Variants in SAP130 observed in about 807,000 individuals in gnomAD.
SAP130 encodes the protein Sin3A associated protein 130.
Under a neutral mutation model 103.2 loss-of-function variants are expected in SAP130, and 16 were observed. That is an observed-to-expected ratio of 0.16 (90% CI 0.10 to 0.24). SAP130 has a LOEUF of 0.24. Ranked by LOEUF, SAP130 falls within the 10% of genes least tolerant of loss-of-function variation. SAP130 has a pLI of 1.00. For missense variants in SAP130, 990 were observed against 1,359.7 expected, an observed-to-expected ratio of 0.73 and a Z score of 4.28; for synonymous variants, 477 against 497.0, an observed-to-expected ratio of 0.96 and a Z score of 0.53.
At chr2:127,987,465 C>T (rs893360266) in intron 13 of SAP130, among the ~76,000 whole-genome samples, 2 of 152,132 alleles carry the variant, frequency 1.3e-5, no homozygotes, top group Non-Finnish European at 2.9e-5. Flanking sequence ...GGATTACAGG[C>T]GTGAGCCACC....
At chr2:127,977,790 G>A (rs968534385) in intron 15 of SAP130, among the ~76,000 whole-genome samples, 195 bp downstream of exon 15, 2 of 152,012 alleles carry the variant, frequency 1.3e-5, no homozygotes, top group Non-Finnish European at 2.9e-5. Context: ...AGAGGCTGAG[G>A]CTGATCACTT....
chr2:127,952,971 T>C (rs573816186), intron 16 of SAP130, among the ~76,000 whole-genome samples: 1 of 152,346 alleles, frequency 6.6e-6, no homozygotes, highest in African/African-American at 2.4e-5. Flanking sequence ...ACAATTTATA[T>C]ATATAATGAC....
intron 2 of SAP130, among the ~76,000 whole-genome samples, chr2:128,021,220 G>A (rs1036160679): frequency 4.6e-5 from 7 of 151,958 alleles, no homozygotes; most frequent in African/African-American, 1.5e-4. Flanking sequence ...AGGCCAAGGC[G>A]GGCGGATCAC....
At chr2:127,968,879 G>A (rs1410243841) in intron 15 of SAP130, among the ~76,000 whole-genome samples, 2 of 152,114 alleles carry the variant, frequency 1.3e-5, no homozygotes, top group East Asian at 1.9e-4. Context: ...TAGACCAGGC[G>A]TTGACAAACT....
chr2:127,984,126 G>T (rs1682192229), intron 14 of SAP130, among the ~76,000 whole-genome samples: 1 of 151,930 alleles, frequency 6.6e-6, no homozygotes, highest in Admixed American at 6.6e-5. Context: ...TTCCACGTTT[G>T]AGATTTCTTC....
chr2:127,999,602 A>G lies in SAP130; in HGVS notation c.1213+139T>C, dbSNP rs1683405983. Reference sequence around the variant, plus strand: ...TTGGGCAACAGAGTGAGACTTAAGGAAAGAAAAAGAAAAGAAAAAAAAAAA... The same window carrying G: ...TTGGGCAACAGAGTGAGACTTAAGGGAAGAAAAAGAAAAGAAAAAAAAAAA... On this transcript the variant is annotated intron_variant, in intron 10 of 20. Transcript: ENST00000643581. The G allele has an allele frequency of 8.7e-6, 4 of 461,986 alleles. No homozygotes were observed. In the South Asian group the frequency reaches 2.3e-4, roughly 27 times the overall value. 28.6% of individuals were successfully genotyped at this position (461,986 alleles called of 1,614,324 possible).
Position 127,941,903 on chromosome 2 carries a change from T to C in SAP130, c.*103A>G. On this transcript the variant is annotated 3_prime_UTR_variant, in exon 21 of 21. Transcript: ENST00000643581. ...CTTTCACACGGGAACTAAGGAACAC[T>C]TCCTTTATTTCAATGTTCCACTTTG... 1 of 932,384 alleles carries C rather than the reference T, an allele frequency of 1.1e-6. No individual in the cohort carries two copies. Among genetic ancestry groups the C allele is most frequent in the Non-Finnish European group, 1.7e-6 (1 of 604,732 alleles). 57.8% of individuals were successfully genotyped at this position (932,384 alleles called of 1,614,324 possible).
intron 15 of SAP130, among the ~76,000 whole-genome samples, chr2:127,960,030 G>C (rs778719397): frequency 1.3e-5 from 2 of 152,102 alleles, no homozygotes; most frequent in Non-Finnish European, 2.9e-5. Flanking sequence ...AGCTGGGACT[G>C]TACAGGTAAG....
intron 15 of SAP130, among the ~76,000 whole-genome samples, chr2:127,977,425 G>C (rs896561837): frequency 6.6e-5 from 10 of 151,532 alleles, no homozygotes; most frequent in Non-Finnish European, 1.2e-4. Flanking sequence ...GCTTGAACAT[G>C]GGAGGCCGAA....
At chr2:127,997,170 A>C (rs1195064079) in intron 10 of SAP130, among the ~76,000 whole-genome samples, 1 of 152,230 alleles carries the variant, frequency 6.6e-6, no homozygotes, top group East Asian at 1.9e-4. Context: ...CAATGACCAT[A>C]GAGTTTTCAA....
At chr2:127,964,518 A>G (rs1680500029) in intron 15 of SAP130, among the ~76,000 whole-genome samples, 1 of 137,270 alleles carries the variant, frequency 7.3e-6, no homozygotes, top group South Asian at 2.3e-4. Context: ...AAAAAAAAAA[A>G]GTAAATTAAA....
intron 15 of SAP130, 35 bp downstream of exon 15, chr2:127,977,950 A>T (rs1394073614): frequency 6.9e-7 from 1 of 1,442,430 alleles, no homozygotes; most frequent in Non-Finnish European, 9.5e-7. Flanking sequence ...ATGTGTGGGT[A>T]AAAGCAAGAG....
chr2:127,977,405 CAGG>C (rs1681543703), intron 15 of SAP130, among the ~76,000 whole-genome samples: 1 of 150,328 alleles, frequency 6.7e-6, no homozygotes, highest in African/African-American at 2.4e-5. Context: ...GTGGCCGAGG[CAGG>C]AGAATTGCTT....
Position 128,003,957 on chromosome 2 carries a change from CTTTTTTTTTTTTTTT to C in SAP130, c.870-3518_870-3504del, listed in dbSNP as rs61211577. Among the ~76,000 whole-genome samples, 121 of 67,930 alleles carry C rather than the reference CTTTTTTTTTTTTTTT, an allele frequency of 1.8e-3. 3 individuals are homozygous for C. Among genetic ancestry groups the C allele is most frequent in the Middle Eastern group, 0.014 (1 of 74 alleles). The allele number at this position is 67,930 out of a possible 152,430, so 44.6% of individuals were successfully genotyped here. On this transcript the variant is annotated intron_variant, in intron 7 of 20. Transcript: ENST00000643581. ...ACTGTGTAGTTCTCCCACAGATCAGCTTTTTTTTTTTTTTTTTTTTTTTTTTTTTTTTGTTGACAG... is the reference window on the plus strand; with the variant it reads ...ACTGTGTAGTTCTCCCACAGATCAGCTTTTTTTTTTTTTTTTTGTTGACAG...
In SAP130 at chr2:127,992,645, G is replaced by A. The variant is rs377442660; in HGVS notation, c.1477+542C>T. On this transcript the variant is annotated intron_variant, in intron 12 of 20. Transcript: ENST00000643581. ...GGGTTCCACAGTAAAAGACTACACA[G>A]ACTCTGACATTTAAGGATTGTTTTT... Among the ~76,000 whole-genome samples the A allele has an allele frequency of 2.6e-5, 4 of 152,136 alleles. No homozygotes were observed. In the South Asian group the frequency reaches 6.2e-4, roughly 24 times the overall value.
chr2:127,969,770 G>A (rs1680934645), intron 15 of SAP130, among the ~76,000 whole-genome samples: 1 of 152,142 alleles, frequency 6.6e-6, no homozygotes, highest in African/African-American at 2.4e-5. Flanking sequence ...TAATGTATTT[G>A]TCTGTGTCCT....
At chr2:127,995,049 C>T (rs200074091) in intron 11 of SAP130, among the ~76,000 whole-genome samples, 1 of 151,816 alleles carries the variant, frequency 6.6e-6, no homozygotes, top group South Asian at 2.1e-4. Context: ...TTTGTGTATA[C>T]TGTATAGGGT....
intron 18 of SAP130, among the ~76,000 whole-genome samples, chr2:127,948,641 C>G (rs944873190): frequency 2.0e-5 from 3 of 151,974 alleles, no homozygotes; most frequent in Non-Finnish European, 2.9e-5. Context: ...CGCGCCTGGC[C>G]TCCTGTGAGT....
At chr2:127,980,756 C>A (rs947576351) in intron 14 of SAP130, among the ~76,000 whole-genome samples, 1 of 152,132 alleles carries the variant, frequency 6.6e-6, no homozygotes, top group South Asian at 2.1e-4. Context: ...CCAGCCGGGG[C>A]AACATGGTGA....
Sources: gnomAD v4.1 joint callset for allele counts (sites outside exome capture counted in the v4.1 genomes callset) on GRCh38, gnomAD v4.1.1 for gene constraint, MANE v1.5 for transcripts, NCBI Gene and HGNC (gene_info 2026-07-23, HGNC 2026-07-21) for gene names.